Variants in SPEF2 observed in about 807,000 individuals in gnomAD.
SPEF2 encodes the protein sperm flagellar and cilia associated 2, also known as sperm flagella and cilia-associated protein 2.
In SPEF2, 187 loss-of-function variants were observed where a neutral mutation model predicts 224.6. That is an observed-to-expected ratio of 0.83 (90% CI 0.74 to 0.94). The LOEUF (loss-of-function observed/expected upper bound fraction) is 0.94, where lower values mean the gene tolerates loss of function less well. Among genes scored for constraint, SPEF2 ranks in the 40% least tolerant of loss-of-function variants. The pLI, the probability that SPEF2 is intolerant of heterozygous loss-of-function variation, is 0.00. For missense variants in SPEF2, 2,170 were observed against 2,135.6 expected, an observed-to-expected ratio of 1.02 and a Z score of -0.32; for synonymous variants, 715 against 707.3, an observed-to-expected ratio of 1.01 and a Z score of -0.17.
At chr5:35,644,566 G>C in intron 4 of SPEF2, 41 bp downstream of exon 4, 1 of 1,484,144 alleles carries the variant, frequency 6.7e-7, no homozygotes, top group Non-Finnish European at 9.1e-7. Context: ...TTAGTGCATA[G>C]TATACAGTTT....
At chr5:35,721,795 T>G (rs186685304) in intron 20 of SPEF2, among the ~76,000 whole-genome samples, 54 of 151,900 alleles carry the variant, frequency 3.6e-4, no homozygotes, top group African/African-American at 1.3e-3. Flanking sequence ...AGAGACAGAG[T>G]TAGGAAAACA....
chr5:35,635,823 A>G (rs1745753674), intron 2 of SPEF2, among the ~76,000 whole-genome samples: 1 of 152,232 alleles, frequency 6.6e-6, no homozygotes, highest in Non-Finnish European at 1.5e-5. Context: ...AAATTAAATA[A>G]GCACTGGCAG....
intron 18 of SPEF2, 126 bp from the exon 19 acceptor site, chr5:35,708,822 C>G: frequency 1.2e-6 from 1 of 858,066 alleles, no homozygotes; most frequent in East Asian, 2.7e-5. Flanking sequence ...AGGGAAAGCC[C>G]TAAAGCATGA....
chr5:35,745,178 G>C (rs1404114168), intron 23 of SPEF2, among the ~76,000 whole-genome samples: 1 of 152,210 alleles, frequency 6.6e-6, no homozygotes, highest in Admixed American at 6.5e-5. Flanking sequence ...GAGCTCGCTG[G>C]GTGCCCAAGC....
rs202179572 is a variant in SPEF2 at position 35,763,597 on chromosome 5, G to C, written c.3696G>C (p.Lys1232Asn). 627 of 1,613,968 alleles carry C rather than the reference G, an allele frequency of 3.9e-4. 10 individuals are homozygous for C. In the East Asian group the frequency reaches 0.013, roughly 35 times the overall value. The change falls in exon 26 of 37, where the codon AAG becomes AAC. Residue 1232 changes from lysine (K) to asparagine (N), a missense_variant. Transcript: ENST00000356031. ...TPKPKTKSVL[K>N]GKMDNSLENV... ...AACCAAAAACAAAATCAGTACTGAA[G>C]GGCAAGATGGATAACTCCCTAGAAA...
At chr5:35,711,563 T>C (rs1000166686) in intron 19 of SPEF2, among the ~76,000 whole-genome samples, 1 of 149,618 alleles carries the variant, frequency 6.7e-6, no homozygotes, top group Non-Finnish European at 1.5e-5. Flanking sequence ...CTATTTAGGT[T>C]TTTCTTTCTT....
At chr5:35,802,759 G>A (rs1561389356) in intron 34 of SPEF2, among the ~76,000 whole-genome samples, 1 of 152,184 alleles carries the variant, frequency 6.6e-6, no homozygotes, top group Non-Finnish European at 1.5e-5. Flanking sequence ...CAGCAGAGCT[G>A]GAGAGGACCA....
intron 23 of SPEF2, among the ~76,000 whole-genome samples, chr5:35,744,764 A>C (rs527698630): frequency 6.6e-6 from 1 of 152,270 alleles, no homozygotes; most frequent in African/African-American, 2.4e-5. Flanking sequence ...AAAAACAAAC[A>C]AACAAACAAA....
intron 30 of SPEF2, chr5:35,787,755 C>G: frequency 1.9e-6 from 1 of 518,710 alleles, no homozygotes; most frequent in East Asian, 2.9e-5. Context: ...TTAATAAGCA[C>G]TCCATAAAAT....
At chr5:35,635,317 T>G (rs1043541629) in intron 2 of SPEF2, among the ~76,000 whole-genome samples, 1 of 152,180 alleles carries the variant, frequency 6.6e-6, no homozygotes, top group Middle Eastern at 3.2e-3. Context: ...GATACTCTCT[T>G]ATTGTTGAAA....
chr5:35,693,373 G>A lies in SPEF2; in HGVS notation c.1899+649G>A, dbSNP rs147077851. Among the ~76,000 whole-genome samples, 53 of 152,290 alleles carry A rather than the reference G, an allele frequency of 3.5e-4. No individual in the cohort carries two copies. In the East Asian group the frequency reaches 0.01, roughly 29 times the overall value. ...AGAAACTGTATGAAAACTGTCGGCA[G>A]GCCTTTGTGGTCTATGAGCTGTAGT... is the stretch of plus-strand genomic sequence containing the variant. On this transcript the variant is annotated intron_variant, in intron 12 of 36. Transcript: ENST00000356031.
At chr5:35,759,821 A>C in intron 25 of SPEF2, 102 bp downstream of exon 25, 1 of 1,192,656 alleles carries the variant, frequency 8.4e-7, no homozygotes, top group Non-Finnish European at 1.1e-6. Flanking sequence ...TTATCTGCAA[A>C]TCTAAGATCC....
At chr5:35,722,410 C>T (rs1018927273) in intron 20 of SPEF2, among the ~76,000 whole-genome samples, 9 of 151,492 alleles carry the variant, frequency 5.9e-5, no homozygotes, top group Non-Finnish European at 1.3e-4. Context: ...TTTCCCCCAC[C>T]CTCAGAAGTC....
intron 20 of SPEF2, among the ~76,000 whole-genome samples, chr5:35,722,718 G>A (rs1453257029): frequency 7.5e-6 from 1 of 132,722 alleles, no homozygotes; most frequent in Admixed American, 8.8e-5. Flanking sequence ...TCCCACCTAT[G>A]AGTGAGAATA....
intron 23 of SPEF2, among the ~76,000 whole-genome samples, chr5:35,751,525 G>C (rs1275462324): frequency 6.6e-6 from 1 of 151,870 alleles, no homozygotes; most frequent in East Asian, 1.9e-4. Context: ...GCACAAGTTA[G>C]TACTTATTGA....
chr5:35,791,457 A>G (rs905325009), intron 30 of SPEF2: 4 of 152,158 alleles, frequency 2.6e-5, no homozygotes, highest in Non-Finnish European at 4.4e-5. Flanking sequence ...GTAAAAAGAA[A>G]ACCTTGGGAT....
intron 23 of SPEF2, among the ~76,000 whole-genome samples, chr5:35,751,036 C>T (rs9686788): frequency 0.034 from 908 of 26,332 alleles, 42 homozygotes; most frequent in African/African-American, 0.038. Context: ...TATATATATA[C>T]ACATATGTAT....
chr5:35,627,515 C>T (rs750618700), intron 1 of SPEF2, among the ~76,000 whole-genome samples: 4 of 151,970 alleles, frequency 2.6e-5, no homozygotes, highest in Non-Finnish European at 5.9e-5. Context: ...GCAGGAGAAT[C>T]GCTTGAACCC....
intron 20 of SPEF2, among the ~76,000 whole-genome samples, chr5:35,715,155 A>G (rs1742289352): frequency 6.6e-6 from 1 of 152,024 alleles, no homozygotes; most frequent in South Asian, 2.1e-4. Context: ...GGGCTCAAGC[A>G]ATCTCCCCGC....
Sources: gnomAD v4.1 joint callset for allele counts (sites outside exome capture counted in the v4.1 genomes callset) on GRCh38, gnomAD v4.1.1 for gene constraint, MANE v1.5 for transcripts, NCBI Gene and HGNC (gene_info 2026-07-23, HGNC 2026-07-21) for gene names.